The following PSMA6 variants were observed in gnomAD, a reference collection of about 807,000 sequenced individuals.
The protein encoded by PSMA6 is proteasome 20S subunit alpha 6.
For synonymous variants in PSMA6, 88 were observed against 97.7 expected, an observed-to-expected ratio of 0.90 and a Z score of 0.59; for missense variants, 170 against 294.8, an observed-to-expected ratio of 0.58 and a Z score of 3.10.
At chr14:35,286,387 A>G (rs978937560) in intron 1 of PSMA6, among the ~76,000 whole-genome samples, 6 of 152,228 alleles carry the variant, frequency 3.9e-5, no homozygotes, top group African/African-American at 1.4e-4. Context: ...CCAACGGTTA[A>G]GCCCAAGCCA....
intron 1 of PSMA6, among the ~76,000 whole-genome samples, chr14:35,304,315 C>T (rs1215846972): frequency 1.3e-5 from 2 of 152,066 alleles, no homozygotes; most frequent in Admixed American, 6.6e-5. Context: ...TATACATAGG[C>T]GATGTGCAAA....
intron 1 of PSMA6, among the ~76,000 whole-genome samples, chr14:35,279,964 A>G (rs1279206895): frequency 6.6e-6 from 1 of 151,376 alleles, no homozygotes; most frequent in African/African-American, 2.4e-5. Flanking sequence ...CTCTACTAAA[A>G]ACACAAAAAA....
At chr14:35,300,463 C>G (rs112435066) in intron 1 of PSMA6, among the ~76,000 whole-genome samples, 1 of 151,996 alleles carries the variant, frequency 6.6e-6, no homozygotes, top group Non-Finnish European at 1.5e-5. Flanking sequence ...CAGAGTGAGA[C>G]CTTGTCTCAG....
rs756771654 is a variant in PSMA6 at position 35,285,356 on chromosome 14, A to AAC, written c.19+6639_19+6640insCA. 1.0e-3 allele frequency among the ~76,000 whole-genome samples: 7 copies of AAC among 6,800 alleles called. No homozygotes were observed. In the East Asian group the frequency reaches 0.095, roughly 93 times the overall value. The allele number at this position is 6,800 out of a possible 152,430, so 4.5% of individuals were successfully genotyped here. A position where few individuals can be genotyped will look rare whatever the true frequency, so the allele number is the denominator to read the frequency against. Reference sequence around the variant, plus strand: ...CTCTATCTCAAAAAAAACAAAAAACAAAAAAAAAAACCGTAGCACACTCTT... The same window carrying AAC: ...CTCTATCTCAAAAAAAACAAAAAACAACAAAAAAAAAACCGTAGCACACTCTT... On this transcript the variant is annotated intron_variant, in intron 1 of 6. Coordinates refer to the PSMA6 transcript ENST00000540871.
chr14:35,304,973 G>A (rs2051796811), intron 1 of PSMA6, among the ~76,000 whole-genome samples: 1 of 152,052 alleles, frequency 6.6e-6, no homozygotes, highest in African/African-American at 2.4e-5. Context: ...AGCTGCTCAG[G>A]AGACTGAAGT....
At chr14:35,278,837 C>CT (rs1039148670) in intron 1 of PSMA6, 69 of 1,171,936 alleles carry the variant, frequency 5.9e-5, no homozygotes, top group Non-Finnish European at 7.0e-5. Flanking sequence ...TCCCAAGTTG[C>CT]TTTTTTTTCT....
At chr14:35,278,638 C>T (rs2051331232) in exon 1 of PSMA6, 1 of 1,528,642 alleles carries the variant, frequency 6.5e-7, no homozygotes. Context: ...AGGGTAGTGT[C>T]CTAGGCTGGG....
intron 6 of PSMA6, chr14:35,315,249 G>A (rs748714096): frequency 6.6e-6 from 1 of 152,172 alleles, no homozygotes; most frequent in Non-Finnish European, 1.5e-5. Flanking sequence ...GGTCTTGGTT[G>A]TGGTGTGGGG....
intron 1 of PSMA6, among the ~76,000 whole-genome samples, chr14:35,297,603 C>A (rs2051623780): frequency 6.6e-6 from 1 of 152,060 alleles, no homozygotes; most frequent in African/African-American, 2.4e-5. Flanking sequence ...TATTTACATC[C>A]CGAAACTCTA....
At chr14:35,281,920 G>C (rs768925010) in intron 1 of PSMA6, among the ~76,000 whole-genome samples, 1 of 152,122 alleles carries the variant, frequency 6.6e-6, no homozygotes, top group Non-Finnish European at 1.5e-5. Flanking sequence ...CATCCACGCT[G>C]TTCCTTCTTT....
intron 1 of PSMA6, among the ~76,000 whole-genome samples, chr14:35,294,462 G>A (rs537232854): frequency 6.6e-6 from 1 of 152,274 alleles, no homozygotes; most frequent in East Asian, 1.9e-4. Flanking sequence ...AAGAGTTCAG[G>A]CCCTGGAGTC....
chr14:35,280,329 A>G (rs549721160), intron 1 of PSMA6, among the ~76,000 whole-genome samples: 1 of 151,268 alleles, frequency 6.6e-6, no homozygotes, highest in East Asian at 1.9e-4. Context: ...CATTGCCAGT[A>G]TCACCAGAGA....
At chr14:35,282,454 TCTCA>T (rs897384216) in intron 1 of PSMA6, among the ~76,000 whole-genome samples, 1 of 151,802 alleles carries the variant, frequency 6.6e-6, no homozygotes, top group Non-Finnish European at 1.5e-5. Context: ...ACAGACAGGG[TCTCA>T]CTATGTTTCC....
chr14:35,280,114 G>A (rs1347738993), intron 1 of PSMA6, among the ~76,000 whole-genome samples: 2 of 146,592 alleles, frequency 1.4e-5, no homozygotes, highest in Non-Finnish European at 3.0e-5. Flanking sequence ...CTGGGCGACA[G>A]AGCAAGACTC....
At chr14:35,300,657 A>C (rs909825915) in intron 1 of PSMA6, among the ~76,000 whole-genome samples, 1 of 152,230 alleles carries the variant, frequency 6.6e-6, no homozygotes, top group African/African-American at 2.4e-5. Flanking sequence ...TAGATAGACT[A>C]GTACAGTGAC....
At chr14:35,282,513 G>A (rs1001243753) in intron 1 of PSMA6, among the ~76,000 whole-genome samples, 10 of 151,826 alleles carry the variant, frequency 6.6e-5, no homozygotes, top group African/African-American at 2.4e-4. Flanking sequence ...CACTTATCTC[G>A]GCCTTCCAAA....
chr14:35,300,577 G>A (rs2051692703), intron 1 of PSMA6, among the ~76,000 whole-genome samples: 1 of 150,748 alleles, frequency 6.6e-6, no homozygotes, highest in South Asian at 2.1e-4. Context: ...AAGGTAATAA[G>A]AGAGAAAGGG....
chr14:35,288,753 C>T (rs559836385), upstream of PSMA6, among the ~76,000 whole-genome samples: 3 of 152,184 alleles, frequency 2.0e-5, no homozygotes, highest in South Asian at 4.1e-4. Flanking sequence ...CTGCAGGGTG[C>T]GTAATATGTG....
At chr14:35,293,283 G>C in intron 1 of PSMA6, 1 of 300,908 alleles carries the variant, frequency 3.3e-6, no homozygotes, top group Non-Finnish European at 6.6e-6. Flanking sequence ...ATGAGGTACT[G>C]TGTACTAGTT....
Sources: gnomAD v4.1 joint callset for allele counts (sites outside exome capture counted in the v4.1 genomes callset) on GRCh38, gnomAD v4.1.1 for gene constraint, MANE v1.5 for transcripts, NCBI Gene and HGNC (gene_info 2026-07-23, HGNC 2026-07-21) for gene names.